SSBP2: variants seen among roughly 807,000 people sequenced by gnomAD.
SSBP2 encodes the protein single-stranded DNA-binding protein 2.
In SSBP2, 17 loss-of-function variants were observed where a neutral mutation model predicts 61.8. That is an observed-to-expected ratio of 0.28 (90% CI 0.19 to 0.41). The LOEUF (loss-of-function observed/expected upper bound fraction) is 0.41, where lower values mean the gene tolerates loss of function less well. SSBP2 is among the 10% of genes least tolerant of loss of function. The probability of loss-of-function intolerance (pLI) is 1.00; values close to 1 mark genes in which losing one functional copy is unlikely to be tolerated. For missense variants in SSBP2, 310 were observed against 458.7 expected (o/e 0.68, Z 2.96); for synonymous variants, 139 against 141.3 (o/e 0.98, Z 0.12).
chr5:81,653,487 G>A (rs1749934759), intron 1 of SSBP2, among the ~76,000 whole-genome samples: 1 of 152,242 alleles, frequency 6.6e-6, no homozygotes, highest in Non-Finnish European at 1.5e-5. Flanking sequence ...TGGGTCAAAT[G>A]GTATTTCCAG....
chr5:81,750,524 C>G (rs1366081209), intron 1 of SSBP2, among the ~76,000 whole-genome samples: 4 of 147,714 alleles, frequency 2.7e-5, no homozygotes, highest in African/African-American at 9.8e-5. Context: ...CTGCCCGCCC[C>G]GACCCCGGCC....
intron 1 of SSBP2, among the ~76,000 whole-genome samples, chr5:81,740,960 T>C (rs895595712): frequency 3.9e-5 from 6 of 152,196 alleles, no homozygotes; most frequent in Non-Finnish European, 8.8e-5. Flanking sequence ...ATGATGAATA[T>C]GCACATTCCC....
intron 5 of SSBP2, among the ~76,000 whole-genome samples, chr5:81,509,618 T>A (rs1768441473): frequency 6.6e-6 from 1 of 152,010 alleles, no homozygotes; most frequent in Admixed American, 6.6e-5. Context: ...GTACTTTGAG[T>A]TTTTTAATAT....
intron 8 of SSBP2, among the ~76,000 whole-genome samples, chr5:81,467,969 T>A (rs992362507): frequency 6.6e-6 from 1 of 152,018 alleles, no homozygotes; most frequent in Non-Finnish European, 1.5e-5. Context: ...ATGTTAGGAA[T>A]CTCAAATCTT....
intron 15 of SSBP2, among the ~76,000 whole-genome samples, chr5:81,434,155 A>C (rs1425999492): frequency 6.6e-6 from 1 of 152,154 alleles, no homozygotes; most frequent in African/African-American, 2.4e-5. Context: ...TCAATTCAGT[A>C]CTCTTTATTT....
chr5:81,540,513 A>G (rs1771179537), intron 4 of SSBP2, among the ~76,000 whole-genome samples: 2 of 152,034 alleles, frequency 1.3e-5, no homozygotes, highest in Admixed American at 6.5e-5. Context: ...GCTTTTTTTC[A>G]TATGTTTGTT....
chr5:81,648,861 A>G (rs1443117312), intron 2 of SSBP2, among the ~76,000 whole-genome samples: 2 of 152,014 alleles, frequency 1.3e-5, no homozygotes, highest in East Asian at 1.9e-4. Flanking sequence ...TTTTAGTAAT[A>G]TATTTTATTT....
At chr5:81,509,838 A>T (rs1206825928) in intron 5 of SSBP2, among the ~76,000 whole-genome samples, 1 of 152,196 alleles carries the variant, frequency 6.6e-6, no homozygotes, top group Non-Finnish European at 1.5e-5. Context: ...TCTCAGAATC[A>T]TCCTTGATTC....
intron 4 of SSBP2, among the ~76,000 whole-genome samples, chr5:81,516,152 A>T (rs907228268): frequency 8.5e-5 from 13 of 152,084 alleles, no homozygotes; most frequent in African/African-American, 2.7e-4. Flanking sequence ...TAAATAGGAT[A>T]GTCAAGCAAT....
chr5:81,693,901 C>T (rs1753402614), intron 1 of SSBP2, among the ~76,000 whole-genome samples: 1 of 152,086 alleles, frequency 6.6e-6, no homozygotes, highest in African/African-American at 2.4e-5. Context: ...CAGCACCACT[C>T]ACAATAGCCA....
chr5:81,677,819 C>A (rs1319077099), intron 1 of SSBP2, among the ~76,000 whole-genome samples: 1 of 149,496 alleles, frequency 6.7e-6, no homozygotes, highest in Non-Finnish European at 1.5e-5. Context: ...TCTTGTCCCA[C>A]CTTAAGGGTG....
At chr5:81,450,538 C>T (rs1380655069) in intron 10 of SSBP2, among the ~76,000 whole-genome samples, 3 of 152,184 alleles carry the variant, frequency 2.0e-5, no homozygotes, top group Non-Finnish European at 2.9e-5. Flanking sequence ...CTTTACTTTA[C>T]AATATACTGC....
At chr5:81,559,460 C>A (rs925878351) in intron 4 of SSBP2, among the ~76,000 whole-genome samples, 21 of 150,944 alleles carry the variant, frequency 1.4e-4, no homozygotes, top group Admixed American at 3.3e-4. Context: ...GAGGCTGAGG[C>A]AGGAGAATAA....
At chr5:81,663,493 A>G (rs1260284005) in intron 1 of SSBP2, among the ~76,000 whole-genome samples, 1 of 152,176 alleles carries the variant, frequency 6.6e-6, no homozygotes, top group Non-Finnish European at 1.5e-5. Flanking sequence ...GCTAGTTATA[A>G]AACCGTATGA....
intron 1 of SSBP2, among the ~76,000 whole-genome samples, chr5:81,652,203 T>TCC: frequency 6.6e-6 from 1 of 152,262 alleles, no homozygotes; most frequent in South Asian, 2.1e-4. Context: ...AAGGCCAGGG[T>TCC]ACATCTGTGG....
Position 81,479,804 on chromosome 5 carries a change from T to C in SSBP2, c.433-5242A>G, listed in dbSNP as rs532079836. On this transcript the variant is annotated intron_variant, in intron 6 of 16. Coordinates refer to ENST00000320672, the MANE Select transcript of SSBP2 (RefSeq NM_012446.5). The stretch of plus-strand genomic sequence containing the variant: ...TTCATCCTTTTTAATGATAAAAAAC[T>C]GAGGTTTAATATGTAACTAATTTGT... 5.9e-5 allele frequency among the ~76,000 whole-genome samples: 9 copies of C among 152,304 alleles called. No homozygotes were observed. The South Asian group carries it at 1.9e-3, about 32-fold the overall frequency.
chr5:81,708,074 T>C (rs74871358), intron 1 of SSBP2, among the ~76,000 whole-genome samples: 3,795 of 152,214 alleles, frequency 0.025, 57 homozygotes, highest in Non-Finnish European at 0.038. Flanking sequence ...TATTTCCTTA[T>C]CTGTTAATTT....
Position 81,666,504 on chromosome 5 carries a change from A to G in SSBP2, c.63-16165T>C, listed in dbSNP as rs114802827. Among the ~76,000 whole-genome samples, 788 of 152,326 alleles carry G rather than the reference A, an allele frequency of 5.2e-3. 10 individuals carry two copies. The highest frequency in any genetic ancestry group is 0.018 in the African/African-American group (768 of 41,586). On this transcript the variant is annotated intron_variant, in intron 1 of 16. Transcript: ENST00000320672. ...ATTTGGTGTGGCCAGAAATGTAAAC[A>G]CTTACCTCATATAGAAAGGCAATTT...
intron 1 of SSBP2, among the ~76,000 whole-genome samples, chr5:81,682,711 G>T (rs1752487753): frequency 6.6e-6 from 1 of 152,036 alleles, no homozygotes; most frequent in Non-Finnish European, 1.5e-5. Flanking sequence ...CAAACAGATT[G>T]AAAAGATCAA....
Sources: gnomAD v4.1 joint callset for allele counts (sites outside exome capture counted in the v4.1 genomes callset) on GRCh38, gnomAD v4.1.1 for gene constraint, MANE v1.5 for transcripts, NCBI Gene and HGNC (gene_info 2026-07-23, HGNC 2026-07-21) for gene names.